RGL1: variants seen among roughly 807,000 people sequenced by gnomAD.
RGL1 encodes ral guanine nucleotide dissociation stimulator like 1, also known as ral guanine nucleotide dissociation stimulator-like 1.
Under a neutral mutation model 95.2 loss-of-function variants are expected in RGL1, and 24 were observed. That is an observed-to-expected ratio of 0.25 (90% confidence interval 0.18 to 0.35). RGL1 has a LOEUF of 0.35. Among genes scored for constraint, RGL1 ranks in the 10% least tolerant of loss-of-function variants. RGL1 has a pLI of 1.00. For missense variants in RGL1, 715 were observed against 936.3 expected, an observed-to-expected ratio of 0.76 and a Z score of 3.08; for synonymous variants, 329 against 344.9, an observed-to-expected ratio of 0.95 and a Z score of 0.51.
At chr1:183,812,600 T>C (rs1013106623) in intron 2 of RGL1, among the ~76,000 whole-genome samples, 3 of 152,224 alleles carry the variant, frequency 2.0e-5, no homozygotes, top group African/African-American at 7.2e-5. Flanking sequence ...GTTGAATTAA[T>C]TACAATATAT....
intron 1 of RGL1, among the ~76,000 whole-genome samples, 172 bp downstream of exon 1, chr1:183,805,496 C>T (rs985848119): frequency 3.9e-5 from 6 of 152,224 alleles, no homozygotes; most frequent in African/African-American, 1.4e-4. Flanking sequence ...CGTGTCTTCT[C>T]CCTTTCAACC....
At chr1:183,748,574 T>C (rs1657798601) in intron 2 of RGL1, among the ~76,000 whole-genome samples, 1 of 151,864 alleles carries the variant, frequency 6.6e-6, no homozygotes, top group Non-Finnish European at 1.5e-5. Context: ...TCCAGCTAAT[T>C]TTTTATATTT....
intron 1 of RGL1, among the ~76,000 whole-genome samples, chr1:183,721,838 T>C (rs528185377): frequency 6.6e-6 from 1 of 152,340 alleles, no homozygotes; most frequent in South Asian, 2.1e-4. Flanking sequence ...CCTTGCCTAC[T>C]TTTACTTTAA....
intron 5 of RGL1, among the ~76,000 whole-genome samples, chr1:183,883,403 G>A (rs771908757): frequency 5.3e-5 from 8 of 152,148 alleles, no homozygotes; most frequent in Admixed American, 1.3e-4. Flanking sequence ...GTTATAAGTC[G>A]CCCAGCAACC....
chr1:183,656,687 C>A (rs895530423), intron 1 of RGL1, among the ~76,000 whole-genome samples: 3 of 152,150 alleles, frequency 2.0e-5, no homozygotes, highest in African/African-American at 7.2e-5. Context: ...ATTTGCCAGT[C>A]GTTCCTTGCT....
chr1:183,847,387 C>T (rs1664512560), intron 2 of RGL1, among the ~76,000 whole-genome samples, 179 bp from the exon 3 acceptor site: 1 of 152,002 alleles, frequency 6.6e-6, no homozygotes, highest in African/African-American at 2.4e-5. Flanking sequence ...CCCAGGAGCT[C>T]CAAGCTGCAG....
chr1:183,789,230 G>A (rs1429755165), intron 2 of RGL1, among the ~76,000 whole-genome samples: 2 of 151,962 alleles, frequency 1.3e-5, no homozygotes, highest in Admixed American at 6.6e-5. Flanking sequence ...GATCACCTGA[G>A]ATCAGGAGTT....
intron 3 of RGL1, among the ~76,000 whole-genome samples, chr1:183,859,518 T>A (rs1219031279): frequency 6.6e-6 from 1 of 152,166 alleles, no homozygotes; most frequent in Non-Finnish European, 1.5e-5. Context: ...TATCAGGTAC[T>A]CTTTTGCTGT....
chr1:183,693,720 A>G (rs1364298354), intron 1 of RGL1, among the ~76,000 whole-genome samples: 2 of 152,088 alleles, frequency 1.3e-5, no homozygotes, highest in Non-Finnish European at 2.9e-5. Flanking sequence ...ACTGCTTACC[A>G]GAATACACTT....
At chr1:183,641,188 G>A (rs1452031025) in intron 1 of RGL1, among the ~76,000 whole-genome samples, 1 of 152,094 alleles carries the variant, frequency 6.6e-6, no homozygotes, top group Non-Finnish European at 1.5e-5. Context: ...AGGCTGGAGG[G>A]CAGTGGTATG....
chr1:183,777,208 A>G (rs1196882203), intron 2 of RGL1, among the ~76,000 whole-genome samples: 1 of 152,208 alleles, frequency 6.6e-6, no homozygotes, highest in South Asian at 2.1e-4. Flanking sequence ...TTGTAAGTAC[A>G]TAAGCTTTGT....
intron 2 of RGL1, among the ~76,000 whole-genome samples, chr1:183,843,076 A>T (rs1053820916): frequency 1.3e-5 from 2 of 152,232 alleles, no homozygotes; most frequent in Non-Finnish European, 2.9e-5. Flanking sequence ...AAGTCATCAG[A>T]TCTTTCCCCT....
At chr1:183,659,451 G>A (rs562580526) in intron 1 of RGL1, among the ~76,000 whole-genome samples, 1 of 152,308 alleles carries the variant, frequency 6.6e-6, no homozygotes, top group African/African-American at 2.4e-5. Context: ...GAAAGAAAGG[G>A]TATCAGTGAT....
chr1:183,678,023 C>A (rs1652948797), intron 1 of RGL1, among the ~76,000 whole-genome samples: 1 of 152,112 alleles, frequency 6.6e-6, no homozygotes, highest in Admixed American at 6.6e-5. Flanking sequence ...TCTCATAGTC[C>A]TTATTTAAAA....
At chr1:183,799,828 A>G (rs987514789) in intron 2 of RGL1, among the ~76,000 whole-genome samples, 1 of 152,198 alleles carries the variant, frequency 6.6e-6, no homozygotes, top group African/African-American at 2.4e-5. Flanking sequence ...TGCCCAGGTA[A>G]AAGTATAAAG....
intron 2 of RGL1, among the ~76,000 whole-genome samples, chr1:183,776,121 C>T (rs1659581502): frequency 6.7e-6 from 1 of 149,078 alleles, no homozygotes; most frequent in South Asian, 2.1e-4. Context: ...GTGGAGCTTA[C>T]AGTTCAGTGG....
chr1:183,702,710 C>A (rs1212093724), intron 1 of RGL1, among the ~76,000 whole-genome samples: 1 of 152,100 alleles, frequency 6.6e-6, no homozygotes, highest in African/African-American at 2.4e-5. Flanking sequence ...GGCAGGCATT[C>A]GAGGCTGGAC....
intron 8 of RGL1, among the ~76,000 whole-genome samples, chr1:183,890,316 A>G (rs1667343909): frequency 6.6e-6 from 1 of 152,178 alleles, no homozygotes; most frequent in African/African-American, 2.4e-5. Flanking sequence ...AACATGAGCA[A>G]AAAAAATTAA....
intron 3 of RGL1, among the ~76,000 whole-genome samples, chr1:183,865,259 T>C (rs1665756994): frequency 6.6e-6 from 1 of 152,186 alleles, no homozygotes. Flanking sequence ...TGATGAATTA[T>C]TGAGTAAATT....
Sources: allele counts gnomAD v4.1 joint callset (sites outside exome capture counted in the v4.1 genomes callset), GRCh38; gene constraint gnomAD v4.1.1; transcripts MANE v1.5; gene names NCBI Gene and HGNC (gene_info 2026-07-23, HGNC 2026-07-21).